Variants in INF2 observed in about 807,000 individuals in gnomAD.
The protein encoded by INF2 is inverted formin 2.
A neutral mutation model predicts 123.5 loss-of-function variants in INF2; 43 were observed. The ratio of observed to expected loss-of-function variants is 0.35; its 90% CI spans 0.27 to 0.45. The LOEUF (loss-of-function observed/expected upper bound fraction) is 0.45, where lower values mean the gene tolerates loss of function less well. Among genes scored for constraint, INF2 ranks in the 20% least tolerant of loss-of-function variants. INF2 has a pLI of 1.00. For missense variants in INF2, 1,453 were observed against 1,682.7 expected (o/e 0.86, Z 2.39); for synonymous variants, 851 against 745.0 (o/e 1.14, Z -2.32).
chr14:104,693,410 G>A (rs547182280), intron 1 of INF2, among the ~76,000 whole-genome samples: 1 of 152,318 alleles, frequency 6.6e-6, no homozygotes, highest in African/African-American at 2.4e-5. Context: ...CACTGGGGGC[G>A]GAGGGCAGGC....
intron 1 of INF2, among the ~76,000 whole-genome samples, chr14:104,694,790 C>T (rs1005389708): frequency 1.3e-5 from 2 of 152,120 alleles, no homozygotes; most frequent in Admixed American, 1.3e-4. Context: ...CAGCTGCTAG[C>T]GGGGATGTAG....
intron 1 of INF2, among the ~76,000 whole-genome samples, chr14:104,693,182 G>A (rs1197761050): frequency 3.3e-5 from 5 of 152,226 alleles, no homozygotes; most frequent in African/African-American, 4.8e-5. Flanking sequence ...CTGTGCTCCC[G>A]TGCTGTGACA....
chr14:104,707,122 G>A, intron 7 of INF2, 71 bp downstream of exon 7: 1 of 1,517,074 alleles, frequency 6.6e-7, no homozygotes, highest in South Asian at 1.2e-5. Flanking sequence ...CATGGGGGGG[G>A]GAGCCTGCCC....
intron 22 of INF2, chr14:104,715,662 G>A (rs549685289): frequency 3.2e-5 from 18 of 565,436 alleles, no homozygotes; most frequent in African/African-American, 9.2e-5. Context: ...GCCCTGGGGC[G>A]TGGGCGGGAC....
Position 104,712,850 on chromosome 14 carries a change from C to A in INF2, c.2633C>A (p.Ala878Glu). The change falls in exon 18 of 23, where the codon GCA (alanine) becomes GAA (glutamate). Residue 878 changes from alanine (A) to glutamate (E), a missense_variant. Ala to Glu is a moderately radical substitution (Grantham distance 107). Transcript: ENST00000392634. ...RLQASISAFR[A>E]LDELFEAIEQ... Reference sequence around the variant, plus strand: ...CAGGCCAGCATCTCGGCCTTCCGGGCACTGGATGAGCTGTTTGAGGCCATC... The same window carrying A: ...CAGGCCAGCATCTCGGCCTTCCGGGAACTGGATGAGCTGTTTGAGGCCATC... 6.2e-7 allele frequency: 1 copy of A among 1,611,706 alleles called. No homozygotes were observed. The highest frequency in any genetic ancestry group is 1.3e-5 in the African/African-American group (1 of 75,058).
intron 7 of INF2, 64 bp downstream of exon 7, chr14:104,707,115 G>C (rs189993245): frequency 1.4e-5 from 20 of 1,394,664 alleles, no homozygotes; most frequent in African/African-American, 5.7e-5. Context: ...CTTAGACCAT[G>C]GGGGGGGGAG....
chr14:104,714,168 G>A (rs992903801), intron 20 of INF2, 35 bp from the exon 21 acceptor site: 1 of 1,461,014 alleles, frequency 6.8e-7, no homozygotes, highest in Non-Finnish European at 9.0e-7. Flanking sequence ...CGGGGGCAGG[G>A]TGCCTGCCCT....
In INF2 at chr14:104,699,578, C is replaced by T. The variant is rs947455057; in HGVS notation, c.-9-1779C>T. ...CCCAGAGTGGGTGGGCAGAGGTGGC[C>T]GGAAGGTCTTGCGCATCTGGGTGAG... On this transcript the variant is annotated intron_variant, in intron 1 of 22. Coordinates refer to ENST00000392634, the MANE Select transcript of INF2 (RefSeq NM_022489.4). The surrounding 1 kb of genome is among the most constrained non-coding windows in gnomAD (Gnocchi z 4.7). 7.8e-5 allele frequency: 77 copies of T among 984,140 alleles called. No individual in the cohort carries two copies. The highest frequency in any genetic ancestry group is 9.4e-5 in the South Asian group (2 of 21,222). The allele number at this position is 984,140 out of a possible 1,614,324, so 61.0% of individuals were successfully genotyped here.
chr14:104,683,190 G>GGT (rs1888571980), intron 1 of INF2, among the ~76,000 whole-genome samples: 1 of 150,820 alleles, frequency 6.6e-6, no homozygotes, highest in African/African-American at 2.5e-5. Flanking sequence ...CAATGGGGGA[G>GGT]GGGAGGGGTG....
chr14:104,722,264 G>C lies in INF2; in HGVS notation c.*3471G>C, dbSNP rs1056544604. On this transcript the variant is annotated 3_prime_UTR_variant, in exon 23 of 23. Coordinates refer to ENST00000392634, the MANE Select transcript of INF2 (RefSeq NM_022489.4). ...CCGGGCCCGTGGCTATTTATAGTCC[G>C]GGCCTGGAGAAGTCAGTGAGTCACT... 1 of 152,248 alleles carries C rather than the reference G, an allele frequency of 6.6e-6. No individual in the cohort carries two copies. The highest frequency in any genetic ancestry group is 1.5e-5 in the Non-Finnish European group (1 of 68,088). 9.4% of individuals were successfully genotyped at this position (152,248 alleles called of 1,614,324 possible).
At chr14:104,700,944 C>T (rs1479557193) in intron 1 of INF2, 2 of 809,050 alleles carry the variant, frequency 2.5e-6, no homozygotes, top group Non-Finnish European at 3.0e-6. Flanking sequence ...TCAGATGCGC[C>T]GTTTTGTCGC....
chr14:104,718,326 G>A (rs1254575683), intron 22 of INF2, among the ~76,000 whole-genome samples: 1 of 152,226 alleles, frequency 6.6e-6, no homozygotes, highest in East Asian at 1.9e-4. Flanking sequence ...TGTGGGGGCC[G>A]TCTGGGTGGC....
rs1889812409 is a variant in INF2, at chr14:104,707,061, C to CG, written c.985+14dup. The CG allele has an allele frequency of 6.4e-7, 1 of 1,571,356 alleles. No homozygotes were observed. On this transcript the variant is annotated intron_variant, in intron 7 of 22. Coordinates refer to ENST00000392634, the MANE Select transcript of INF2 (RefSeq NM_022489.4). ...CTCCTGGCCAGCGATGGTGAGGGGG[C>CG]GGGGCAGGGGCGTAGGCACAGCCTG...
chr14:104,683,970 G>A (rs973278688), intron 1 of INF2: 9 of 448,756 alleles, frequency 2.0e-5, no homozygotes, highest in Non-Finnish European at 3.6e-5. Flanking sequence ...GCTCTCAAAG[G>A]AGCACCTCCA....
chr14:104,706,834 T>A, intron 6 of INF2, 76 bp from the exon 7 acceptor site: 2 of 1,537,736 alleles, frequency 1.3e-6, no homozygotes, highest in Non-Finnish European at 1.8e-6. Flanking sequence ...CTGGACACCC[T>A]GGCAGACAGG....
intron 22 of INF2, among the ~76,000 whole-genome samples, chr14:104,718,054 G>C (rs1595185025): frequency 6.6e-6 from 1 of 152,368 alleles, no homozygotes; most frequent in East Asian, 1.9e-4. Flanking sequence ...ACGGGCCTTG[G>C]TCTTGGCCAT....
At chr14:104,713,972 G>A (rs1190702462) in intron 20 of INF2, among the ~76,000 whole-genome samples, 2 of 152,236 alleles carry the variant, frequency 1.3e-5, no homozygotes, top group Non-Finnish European at 2.9e-5. Flanking sequence ...CCCATTCCTG[G>A]GGTGGCTGCC....
chr14:104,703,303 C>T lies in INF2; in HGVS notation c.516C>T (p.Cys172=), dbSNP rs1346247579. The T allele has an allele frequency of 4.3e-6, 7 of 1,612,982 alleles. No homozygotes were observed. The highest frequency in any genetic ancestry group is 5.9e-6 in the Non-Finnish European group (7 of 1,179,940). The change falls in exon 4 of 23, where the codon TGC becomes TGT. Residue 172 remains cysteine (C), a synonymous_variant. Coordinates refer to ENST00000392634, the MANE Select transcript of INF2 (RefSeq NM_022489.4). ...CCCCGCCCTCCCCACAGACGGTGTG[C>T]AGCCAGCAGTACCGCTTCAGCATTG... ...LDALDHYKTV[C]SQQYRFSIVM...
intron 6 of INF2, among the ~76,000 whole-genome samples, chr14:104,706,442 C>T (rs941642731): frequency 6.6e-6 from 1 of 152,200 alleles, no homozygotes; most frequent in African/African-American, 2.4e-5. Flanking sequence ...GGACGGGGCT[C>T]CAAAGACCAG....
Sources: allele counts gnomAD v4.1 joint callset (sites outside exome capture counted in the v4.1 genomes callset), GRCh38; gene constraint gnomAD v4.1.1; non-coding constraint Gnocchi (gnomAD v3.1); transcripts MANE v1.5; gene names NCBI Gene and HGNC (gene_info 2026-07-23, HGNC 2026-07-21).